NUP155: variants seen among roughly 807,000 people sequenced by gnomAD.
The protein encoded by NUP155 is nuclear pore complex protein Nup155.
In NUP155, 71 loss-of-function variants were observed where a neutral mutation model predicts 180.4. The observed-to-expected ratio is 0.39, with a 90% CI of 0.33 to 0.48. The LOEUF is 0.48. NUP155 is among the 20% of genes least tolerant of loss of function. NUP155 has a pLI of 0.91. For missense variants in NUP155, 1,553 were observed against 1,648.9 expected (o/e 0.94, Z 1.01); for synonymous variants, 582 against 559.5 (o/e 1.04, Z -0.57).
At chr5:37,339,792 C>T (rs1186178365) in intron 11 of NUP155, among the ~76,000 whole-genome samples, 2 of 152,146 alleles carry the variant, frequency 1.3e-5, no homozygotes, top group African/African-American at 4.8e-5. Flanking sequence ...GAGATGGAGT[C>T]TTGCTCTGTC....
At chr5:37,300,564 CAGAG>C (rs1173285704) in intron 30 of NUP155, among the ~76,000 whole-genome samples, 3 of 152,152 alleles carry the variant, frequency 2.0e-5, no homozygotes, top group Admixed American at 1.3e-4. Context: ...CAGAAAATTA[CAGAG>C]AGAGAAAGAG....
chr5:37,303,776 C>T (rs79265851), intron 27 of NUP155, among the ~76,000 whole-genome samples: 7,027 of 146,760 alleles, frequency 0.048, 562 homozygotes, highest in African/African-American at 0.17. Flanking sequence ...GGCAAAACCT[C>T]GTCTCTACAA....
chr5:37,300,618 G>C (rs1195152696), intron 30 of NUP155, among the ~76,000 whole-genome samples: 1 of 152,108 alleles, frequency 6.6e-6, no homozygotes, highest in Non-Finnish European at 1.5e-5. Flanking sequence ...TTTTTCCAAG[G>C]CAAGAAGCGA....
At chr5:37,326,984 C>T (rs1278566756) in intron 18 of NUP155, among the ~76,000 whole-genome samples, 2 of 152,124 alleles carry the variant, frequency 1.3e-5, no homozygotes, top group Non-Finnish European at 2.9e-5. Flanking sequence ...GCCTACTCAG[C>T]GTGAAGACAA....
At chr5:37,370,458 T>G (rs1180283206) in intron 1 of NUP155, among the ~76,000 whole-genome samples, 1 of 152,202 alleles carries the variant, frequency 6.6e-6, no homozygotes, top group Non-Finnish European at 1.5e-5. Context: ...GCTCTTACGA[T>G]CTACTCAAAC....
At position 37,306,491 on chromosome 5, in the gene NUP155, G is replaced by A. The variant is rs1001578681; in HGVS notation, c.2903+806C>T. On this transcript the variant is annotated intron_variant, in intron 25 of 34. Transcript: ENST00000231498. ...ATATATTTCTTCTTTGTTCCGAGAC[G>A]GAGCCCTGCTCTGACGCCCAGGCTG... Among the ~76,000 whole-genome samples, 28 of 152,072 alleles carry A rather than the reference G, an allele frequency of 1.8e-4. 1 individual carries two copies. The highest frequency in any genetic ancestry group is 5.9e-5 in the Non-Finnish European group (4 of 68,012).
chr5:37,359,606 A>T (rs540987265), intron 3 of NUP155, among the ~76,000 whole-genome samples: 1 of 152,306 alleles, frequency 6.6e-6, no homozygotes, highest in South Asian at 2.1e-4. Flanking sequence ...CAAGGAAAAG[A>T]CATGCCCATT....
rs1410344293 is a variant in NUP155 at position 37,291,721 on chromosome 5, A to G, written c.*179T>C. On this transcript the variant is annotated 3_prime_UTR_variant, in exon 35 of 35. Coordinates refer to ENST00000231498, the MANE Select transcript of NUP155 (RefSeq NM_153485.3). ...TTTTCACCCAATTACTAAAAAACAA[A>G]ATAGTCATAAAAAAGAATTCATTTA... 3.9e-6 allele frequency: 2 copies of G among 513,880 alleles called. No individual in the cohort carries two copies. Among genetic ancestry groups the G allele is most frequent in the Non-Finnish European group, 6.8e-6 (2 of 292,568 alleles). 31.8% of individuals were successfully genotyped at this position (513,880 alleles called of 1,614,324 possible).
At chr5:37,347,142 C>T (rs747940002) in intron 9 of NUP155, among the ~76,000 whole-genome samples, 3 of 152,020 alleles carry the variant, frequency 2.0e-5, no homozygotes, top group Non-Finnish European at 2.9e-5. Context: ...GTGGGAGAAT[C>T]GCTTAAGCCC....
intron 20 of NUP155, 107 bp from the exon 21 acceptor site, chr5:37,318,192 A>T (rs1251727101): frequency 1.2e-6 from 1 of 813,234 alleles, no homozygotes; most frequent in Admixed American, 1.9e-5. Flanking sequence ...TAAATAATTC[A>T]GAAGGTTGGG....
At chr5:37,300,865 G>C (rs1742825881) in intron 30 of NUP155, 1 of 153,394 alleles carries the variant, frequency 6.5e-6, no homozygotes, top group Non-Finnish European at 1.4e-5. Context: ...CTGTCGCCCA[G>C]GCTCCTAGAC....
chr5:37,327,275 A>G, intron 18 of NUP155: 1 of 293,006 alleles, frequency 3.4e-6, no homozygotes. Context: ...CTTATCAGTG[A>G]GGCTTCTAGA....
intron 34 of NUP155, 63 bp downstream of exon 34, chr5:37,292,816 A>G: frequency 2.0e-6 from 2 of 995,030 alleles, no homozygotes; most frequent in Non-Finnish European, 3.2e-6. Context: ...CAAATTTTTT[A>G]CCCAGGTATT....
chr5:37,349,560 T>G (rs1235585838), intron 7 of NUP155, among the ~76,000 whole-genome samples: 1 of 152,176 alleles, frequency 6.6e-6, no homozygotes, highest in Non-Finnish European at 1.5e-5. Flanking sequence ...TTTCATGAAA[T>G]AACTTAGAAA....
intron 20 of NUP155, among the ~76,000 whole-genome samples, chr5:37,321,602 A>G (rs1744248275): frequency 6.6e-6 from 1 of 151,748 alleles, no homozygotes; most frequent in East Asian, 2.0e-4. Flanking sequence ...ATGTAATCCC[A>G]GCTACTCGGG....
At position 37,333,457 on chromosome 5, in the gene NUP155, A is replaced by G. The variant is rs1209099864; in HGVS notation, c.1518+6T>C. 1.9e-6 allele frequency: 3 copies of G among 1,613,070 alleles called. No homozygotes were observed. Among genetic ancestry groups the G allele is most frequent in the Admixed American group, 3.3e-5 (2 of 59,998 alleles). The stretch of plus-strand genomic sequence containing the variant: ...TTGTCACTACCATAACAGAATACGT[A>G]CACACCTGTGCTGAGAGGAGAACAA... On this transcript the variant is annotated splice_donor_region_variant and intron_variant, in intron 13 of 34. Transcript: ENST00000231498.
chr5:37,359,777 A>G (rs977637027), intron 3 of NUP155, among the ~76,000 whole-genome samples: 2 of 152,192 alleles, frequency 1.3e-5, no homozygotes, highest in Non-Finnish European at 1.5e-5. Context: ...TATGAATCCA[A>G]ACTATCAGAC....
chr5:37,310,472 T>A (rs1743455388), intron 23 of NUP155, 80 bp downstream of exon 23: 1 of 1,152,438 alleles, frequency 8.7e-7, no homozygotes, highest in Non-Finnish European at 1.3e-6. Context: ...ACTGAGGTCC[T>A]ATATTAAGTG....
intron 33 of NUP155, 50 bp from the exon 34 acceptor site, chr5:37,293,035 TTA>T (rs764947229): frequency 8.2e-7 from 1 of 1,226,804 alleles, no homozygotes; most frequent in East Asian, 2.3e-5. Context: ...TGTCAATTGA[TTA>T]TTTAAATCAT....
Sources: gnomAD v4.1 joint callset for allele counts (sites outside exome capture counted in the v4.1 genomes callset) on GRCh38, gnomAD v4.1.1 for gene constraint, MANE v1.5 for transcripts, NCBI Gene and HGNC (gene_info 2026-07-23, HGNC 2026-07-21) for gene names.